TMEM154: variants seen among roughly 807,000 people sequenced by gnomAD.
The protein encoded by TMEM154 is transmembrane protein 154.
TMEM154 carries 27 observed loss-of-function variants against 24.5 expected under a neutral mutation model. That is an observed-to-expected ratio of 1.10 (90% CI 0.81 to 1.52). TMEM154 has a LOEUF of 1.52. Among genes scored for constraint, TMEM154 ranks in the 40% most tolerant of loss-of-function variants. The pLI, the probability that TMEM154 is intolerant of heterozygous loss-of-function variation, is 0.00. For synonymous variants in TMEM154, 67 were observed against 76.8 expected, an observed-to-expected ratio of 0.87 and a Z score of 0.67; for missense variants, 228 against 213.4, an observed-to-expected ratio of 1.07 and a Z score of -0.43.
chr4:152,654,481 T>G (rs1188174338), intron 1 of TMEM154, among the ~76,000 whole-genome samples: 2 of 152,220 alleles, frequency 1.3e-5, no homozygotes. Flanking sequence ...TAAAAATGTT[T>G]GGTCACTGCT....
chr4:152,661,934 C>T (rs948212596), intron 1 of TMEM154, among the ~76,000 whole-genome samples: 8 of 152,180 alleles, frequency 5.3e-5, no homozygotes, highest in African/African-American at 1.9e-4. Context: ...TTCCTGTTTT[C>T]TCTTTTTGAC....
rs143279550 is a variant in TMEM154, at chr4:152,624,627, C to G, written c.*3919G>C. 4.6e-5 allele frequency: 7 copies of G among 151,896 alleles called. No individual in the cohort carries two copies. Among genetic ancestry groups the G allele is most frequent in the Non-Finnish European group, 7.4e-5 (5 of 67,932 alleles). 9.4% of individuals were successfully genotyped at this position (151,896 alleles called of 1,614,324 possible). Reference sequence around the variant, plus strand: ...AAAAAAGAAAAATAAAAAAAAACACCCAAAAACTATCCCCAAGAGGACTAA... The same window carrying G: ...AAAAAAGAAAAATAAAAAAAAACACGCAAAAACTATCCCCAAGAGGACTAA... On this transcript the variant is annotated 3_prime_UTR_variant, in exon 7 of 7. Coordinates refer to ENST00000304385, the MANE Select transcript of TMEM154 (RefSeq NM_152680.3).
At chr4:152,629,039 C>G (rs1751981743) in intron 6 of TMEM154, among the ~76,000 whole-genome samples, 1 of 152,102 alleles carries the variant, frequency 6.6e-6, no homozygotes, top group African/African-American at 2.4e-5. Flanking sequence ...CCAATGGTGT[C>G]CAGCTTACAA....
At chr4:152,632,982 T>G (rs1752077894) in intron 6 of TMEM154, among the ~76,000 whole-genome samples, 1 of 152,210 alleles carries the variant, frequency 6.6e-6, no homozygotes, top group Admixed American at 6.5e-5. Context: ...CATGAATGAA[T>G]GTTAGTAATC....
chr4:152,660,780 C>T (rs1728586005), intron 1 of TMEM154, among the ~76,000 whole-genome samples: 1 of 152,188 alleles, frequency 6.6e-6, no homozygotes, highest in South Asian at 2.1e-4. Flanking sequence ...CTTTCTGGCA[C>T]AAGGCAGGAC....
chr4:152,645,648 G>A (rs1044514139), intron 3 of TMEM154, among the ~76,000 whole-genome samples: 1 of 152,160 alleles, frequency 6.6e-6, no homozygotes, highest in Non-Finnish European at 1.5e-5. Flanking sequence ...GCACTTAAAG[G>A]CCTCCTATTG....
chr4:152,648,857 G>A (rs879555322), intron 3 of TMEM154, among the ~76,000 whole-genome samples: 1 of 152,140 alleles, frequency 6.6e-6, no homozygotes, highest in Non-Finnish European at 1.5e-5. Context: ...GTCATGGTTT[G>A]GGGAAGGAAA....
intron 1 of TMEM154, among the ~76,000 whole-genome samples, chr4:152,664,285 A>T (rs1331112549): frequency 3.3e-5 from 5 of 152,114 alleles, no homozygotes; most frequent in Admixed American, 3.3e-4. Context: ...CAGAAAACCA[A>T]ACACCACATG....
chr4:152,665,134 A>G (rs1054293788), intron 1 of TMEM154, among the ~76,000 whole-genome samples: 2 of 152,226 alleles, frequency 1.3e-5, no homozygotes. Context: ...GGATCACTTG[A>G]GTCCAGTCCA....
intron 3 of TMEM154, chr4:152,647,201 C>G (rs1254457049): frequency 2.1e-6 from 2 of 964,748 alleles, no homozygotes; most frequent in Non-Finnish European, 2.4e-6. Flanking sequence ...CAGTAAGAAA[C>G]AGTATGTCTG....
At chr4:152,650,288 A>G (rs1728348055) in intron 3 of TMEM154, among the ~76,000 whole-genome samples, 1 of 152,136 alleles carries the variant, frequency 6.6e-6, no homozygotes, top group Non-Finnish European at 1.5e-5. Flanking sequence ...TGCTCTACCA[A>G]CTATGTTTAT....
chr4:152,640,587 A>G (rs192932682), intron 6 of TMEM154, among the ~76,000 whole-genome samples: 2 of 152,308 alleles, frequency 1.3e-5, no homozygotes, highest in Admixed American at 1.3e-4. Flanking sequence ...TTTCCTTACC[A>G]AACATCTATT....
intron 6 of TMEM154, among the ~76,000 whole-genome samples, chr4:152,631,478 G>C (rs1159311903): frequency 6.6e-6 from 1 of 152,168 alleles, no homozygotes; most frequent in Admixed American, 6.5e-5. Context: ...ATGTCACCCA[G>C]GCTGGAGTGC....
intron 1 of TMEM154, among the ~76,000 whole-genome samples, chr4:152,653,612 A>G (rs1298803737): frequency 6.6e-6 from 1 of 150,862 alleles, no homozygotes; most frequent in Non-Finnish European, 1.5e-5. Flanking sequence ...CTGGTCTCGA[A>G]CTCCATGCCT....
chr4:152,658,255 A>C lies in TMEM154; in HGVS notation c.65-5328T>G, dbSNP rs1045852744. ...GCTTGAAACAAATAAAAATGGAAAC[A>C]CACCATGCTAAAACCTATGGGATAC... On this transcript the variant is annotated intron_variant, in intron 1 of 6. Coordinates refer to ENST00000304385, the MANE Select transcript of TMEM154 (RefSeq NM_152680.3). Among the ~76,000 whole-genome samples the C allele has an allele frequency of 6.3e-4, 96 of 152,302 alleles. 1 individual carries two copies. Among genetic ancestry groups the C allele is most frequent in the African/African-American group, 2.2e-3 (90 of 41,560 alleles).
At chr4:152,654,477 T>C (rs1475924829) in intron 1 of TMEM154, among the ~76,000 whole-genome samples, 2 of 152,210 alleles carry the variant, frequency 1.3e-5, no homozygotes, top group Admixed American at 1.3e-4. Flanking sequence ...ACAATAAAAA[T>C]GTTTGGTCAC....
intron 1 of TMEM154, 51 bp from the exon 2 acceptor site, chr4:152,652,978 GTTATATTGTCA>G (rs1043053579): frequency 6.7e-7 from 1 of 1,492,928 alleles, no homozygotes; most frequent in African/African-American, 1.4e-5. Context: ...AAGTTAGTAT[GTTATATTGTCA>G]ATGATTTTTA....
intron 3 of TMEM154, among the ~76,000 whole-genome samples, chr4:152,645,110 A>G (rs979045364): frequency 2.7e-5 from 2 of 73,714 alleles, no homozygotes; most frequent in Non-Finnish European, 5.3e-5. Context: ...TCATTGGTCA[A>G]CCCGTCTGTT....
chr4:152,645,530 T>G (rs1752345063), intron 3 of TMEM154, among the ~76,000 whole-genome samples: 1 of 152,218 alleles, frequency 6.6e-6, no homozygotes, highest in African/African-American at 2.4e-5. Flanking sequence ...GAGGCAATGA[T>G]GTTGAGTGGA....
Sources: gnomAD v4.1 joint callset for allele counts (sites outside exome capture counted in the v4.1 genomes callset) on GRCh38, gnomAD v4.1.1 for gene constraint, MANE v1.5 for transcripts, NCBI Gene and HGNC (gene_info 2026-07-23, HGNC 2026-07-21) for gene names.